NRXN3: variants seen among roughly 807,000 people sequenced by gnomAD.
NRXN3 encodes neurexin 3, also known as neurexin III.
In NRXN3, 32 loss-of-function variants were observed where a neutral mutation model predicts 137.6. That is an observed-to-expected ratio of 0.23 (90% confidence interval 0.18 to 0.31). The LOEUF (loss-of-function observed/expected upper bound fraction) is 0.31. Ranked by LOEUF, NRXN3 falls within the 10% of genes least tolerant of loss-of-function variation. The probability of loss-of-function intolerance (pLI) is 1.00; values close to 1 mark genes in which losing one functional copy is unlikely to be tolerated. For missense variants in NRXN3, 1,574 were observed against 2,062.5 expected (o/e 0.76, Z 4.59); for synonymous variants, 798 against 784.5 (o/e 1.02, Z -0.29).
chr14:78,442,064 C>G (rs939712317), intron 4 of NRXN3, among the ~76,000 whole-genome samples: 3 of 150,206 alleles, frequency 2.0e-5, no homozygotes, highest in Non-Finnish European at 4.4e-5. Flanking sequence ...CCACTGCACT[C>G]CATCCTGCGT....
intron 16 of NRXN3, among the ~76,000 whole-genome samples, chr14:79,661,249 A>G (rs221442): frequency 0.27 from 40,284 of 151,812 alleles, 5,707 homozygotes; most frequent in Middle Eastern, 0.43. Flanking sequence ...GGTACCTGGA[A>G]CTCTTTTCCC....
chr14:78,349,855 T>G (rs1190325466), intron 4 of NRXN3, among the ~76,000 whole-genome samples: 1 of 152,194 alleles, frequency 6.6e-6, no homozygotes, highest in Non-Finnish European at 1.5e-5. Context: ...ATATTTTAAT[T>G]TACTAATTGA....
intron 3 of NRXN3, among the ~76,000 whole-genome samples, chr14:78,287,721 T>C (rs942100647): frequency 6.6e-6 from 1 of 152,240 alleles, no homozygotes; most frequent in Non-Finnish European, 1.5e-5. Flanking sequence ...ACACACAGAA[T>C]AGCTCTAATT....
chr14:79,527,488 G>A (rs370924313), intron 16 of NRXN3, among the ~76,000 whole-genome samples: 3 of 151,834 alleles, frequency 2.0e-5, no homozygotes, highest in East Asian at 3.9e-4. Context: ...AAAATATTAC[G>A]CTGTTATGAA....
intron 4 of NRXN3, among the ~76,000 whole-genome samples, chr14:78,519,756 G>A (rs554934262): frequency 1.3e-5 from 2 of 151,228 alleles, no homozygotes; most frequent in South Asian, 2.1e-4. Context: ...GAAGGAGTAG[G>A]AGTTGCCTAG....
At chr14:79,380,142 ACTT>A (rs34411748) in intron 15 of NRXN3, among the ~76,000 whole-genome samples, 38,601 of 125,718 alleles carry the variant, frequency 0.31, 5,735 homozygotes, top group Middle Eastern at 0.5. Context: ...ACCTAGATAT[ACTT>A]CTTCTTTTTT....
chr14:78,712,208 T>C (rs1204643509), intron 7 of NRXN3, among the ~76,000 whole-genome samples: 1 of 152,234 alleles, frequency 6.6e-6, no homozygotes, highest in Non-Finnish European at 1.5e-5. Context: ...ATTAGCCCTG[T>C]GGACCTGTGA....
intron 15 of NRXN3, among the ~76,000 whole-genome samples, chr14:79,095,407 A>G (rs2050123565): frequency 6.6e-6 from 1 of 152,202 alleles, no homozygotes; most frequent in Non-Finnish European, 1.5e-5. Context: ...GCAACGAGCT[A>G]AAGTTTTGGA....
intron 16 of NRXN3, among the ~76,000 whole-genome samples, chr14:79,648,458 A>G (rs1285446748): frequency 7.4e-6 from 1 of 135,708 alleles, no homozygotes; most frequent in Non-Finnish European, 1.7e-5. Flanking sequence ...ACATAGAAAA[A>G]TACTATGTAG....
intron 4 of NRXN3, among the ~76,000 whole-genome samples, chr14:78,519,223 CAT>C (rs1372559650): frequency 6.6e-6 from 1 of 152,060 alleles, no homozygotes; most frequent in Non-Finnish European, 1.5e-5. Context: ...TATTAGTAAA[CAT>C]ATGTCTGTGA....
At chr14:78,408,099 A>G (rs2092606241) in intron 4 of NRXN3, among the ~76,000 whole-genome samples, 1 of 152,150 alleles carries the variant, frequency 6.6e-6, no homozygotes, top group South Asian at 2.1e-4. Flanking sequence ...AAGTTACCTT[A>G]TTTCCATCTC....
chr14:79,639,058 C>A (rs955448798), intron 16 of NRXN3, among the ~76,000 whole-genome samples: 3 of 152,248 alleles, frequency 2.0e-5, no homozygotes, highest in African/African-American at 7.2e-5. Context: ...CACATACACA[C>A]TCCCCCAGTT....
intron 8 of NRXN3, among the ~76,000 whole-genome samples, chr14:78,793,664 G>C (rs2098812315): frequency 6.6e-6 from 1 of 152,142 alleles, no homozygotes; most frequent in Non-Finnish European, 1.5e-5. Context: ...CTGGAGTCCA[G>C]GGTTTTTACC....
intron 17 of NRXN3, among the ~76,000 whole-genome samples, chr14:79,670,078 G>A (rs1481104689): frequency 6.6e-6 from 1 of 151,994 alleles, no homozygotes; most frequent in Non-Finnish European, 1.5e-5. Flanking sequence ...ATGTACTTAT[G>A]TCCTAGGCAC....
chr14:78,679,841 A>G (rs1027021137), intron 6 of NRXN3, among the ~76,000 whole-genome samples: 10 of 152,192 alleles, frequency 6.6e-5, no homozygotes, highest in African/African-American at 2.2e-4. Context: ...AATGATGATC[A>G]GGGAGAAGAT....
chr14:78,805,656 T>C (rs1220848461), intron 9 of NRXN3, among the ~76,000 whole-genome samples: 1 of 149,438 alleles, frequency 6.7e-6, no homozygotes, highest in Non-Finnish European at 1.5e-5. Flanking sequence ...CTGAAAAAGA[T>C]GATGAAGACA....
intron 2 of NRXN3, among the ~76,000 whole-genome samples, chr14:78,273,743 A>T (rs2153491681): frequency 6.6e-6 from 1 of 152,356 alleles, no homozygotes; most frequent in East Asian, 1.9e-4. Flanking sequence ...AAGAAAAGGC[A>T]GTTGACAAAC....
intron 4 of NRXN3, among the ~76,000 whole-genome samples, chr14:78,355,327 G>A (rs564023549): frequency 6.8e-6 from 1 of 146,082 alleles, no homozygotes; most frequent in East Asian, 2.0e-4. Context: ...GCTGGCTTGT[G>A]CAATAGGCTC....
At chr14:79,134,885 A>G (rs1170697730) in intron 15 of NRXN3, among the ~76,000 whole-genome samples, 1 of 152,162 alleles carries the variant, frequency 6.6e-6, no homozygotes, top group Non-Finnish European at 1.5e-5. Context: ...AATATCAAAT[A>G]TTTTGTATGT....
Sources: allele counts gnomAD v4.1 joint callset (sites outside exome capture counted in the v4.1 genomes callset), GRCh38; gene constraint gnomAD v4.1.1; transcripts MANE v1.5; gene names NCBI Gene and HGNC (gene_info 2026-07-23, HGNC 2026-07-21).